FRRS1: variants seen among roughly 807,000 people sequenced by gnomAD.
FRRS1 encodes the protein ferric reductase 1.
In FRRS1, 51 loss-of-function variants were observed where a neutral mutation model predicts 70.7. The observed-to-expected ratio is 0.72, with a 90% CI of 0.58 to 0.91. The LOEUF (loss-of-function observed/expected upper bound fraction) is 0.91, where lower values mean the gene tolerates loss of function less well. Among genes scored for constraint, FRRS1 ranks in the 40% least tolerant of loss-of-function variants. The pLI is 0.00. For missense variants in FRRS1, 672 were observed against 726.0 expected, an observed-to-expected ratio of 0.93 and a Z score of 0.86; for synonymous variants, 225 against 238.7, an observed-to-expected ratio of 0.94 and a Z score of 0.53.
intron 1 of FRRS1, among the ~76,000 whole-genome samples, chr1:99,756,920 A>G (rs1656864375): frequency 6.6e-6 from 1 of 152,148 alleles, no homozygotes; most frequent in Non-Finnish European, 1.5e-5. Context: ...CCCACTCTAC[A>G]TTACCTAAGA....
intron 10 of FRRS1, 39 bp from the exon 11 acceptor site, chr1:99,717,564 C>T (rs748387684): frequency 5.6e-5 from 77 of 1,364,252 alleles, no homozygotes; most frequent in South Asian, 5.0e-4. Context: ...CAATCACAAA[C>T]GAATCAAGCC....
intron 9 of FRRS1, 109 bp downstream of exon 9, chr1:99,728,384 G>T: frequency 1.1e-6 from 1 of 928,854 alleles, no homozygotes; most frequent in Non-Finnish European, 1.6e-6. Flanking sequence ...TTATAGGAAA[G>T]CGTGTGCCTT....
Position 99,747,326 on chromosome 1 carries a change from C to A in FRRS1, c.301G>T (p.Val101Leu), listed in dbSNP as rs780571079. 6.2e-7 allele frequency: 1 copy of A among 1,613,964 alleles called. No homozygotes were observed. The highest frequency in any genetic ancestry group is 8.5e-7 in the Non-Finnish European group (1 of 1,179,906). Residue 101 changes from valine to leucine, a missense_variant, in exon 4 of 17, where the codon GTG becomes TTG. Physicochemically the swap from Val to Leu is conservative, Grantham distance 32. Transcript: ENST00000646001. ...IGSFTLIDSEVSQLLTCEDIQ... is the reference protein window; with the variant it reads ...IGSFTLIDSELSQLLTCEDIQ... ...TCTTCACAGGTCAAAAGTTGTGACA[C>A]TTCACTGTCAATCAATGTGAAGGAG... is the stretch of plus-strand genomic sequence containing the variant.
Position 99,742,238 on chromosome 1 carries a change from T to C in FRRS1, c.369A>G (p.Lys123=), listed in dbSNP as rs1337425556. 2 of 1,611,650 alleles carry C rather than the reference T, an allele frequency of 1.2e-6. No homozygotes were observed. The highest frequency in any genetic ancestry group is 1.7e-5 in the Admixed American group (1 of 60,000). ...SAVSHRSASK[K]TEIKVYWNAP... ...CATTCCAGTAGACTTTAATTTCTGT[T>C]TTTTTAGATGCACTTCTGTGACTCA... is the stretch of plus-strand genomic sequence containing the variant. The change falls in exon 5 of 17, where the codon AAA becomes AAG. Residue 123 remains lysine, a synonymous_variant. Transcript: ENST00000646001.
chr1:99,712,575 G>T, intron 12 of FRRS1, 60 bp from the exon 13 acceptor site: 1 of 911,152 alleles, frequency 1.1e-6, no homozygotes, highest in South Asian at 1.6e-5. Flanking sequence ...AAATCCTCAA[G>T]TTAAAAATAA....
At chr1:99,713,095 T>C (rs959139661) in intron 12 of FRRS1, among the ~76,000 whole-genome samples, 10 of 140,434 alleles carry the variant, frequency 7.1e-5, no homozygotes, top group African/African-American at 2.7e-4. Context: ...AACAAGATTC[T>C]TGCATGTGTT....
intron 9 of FRRS1, among the ~76,000 whole-genome samples, chr1:99,723,724 C>T (rs1279771953): frequency 6.6e-6 from 1 of 152,016 alleles, no homozygotes; most frequent in African/African-American, 2.4e-5. Context: ...AGAAATAATT[C>T]AATTTATTGA....
chr1:99,758,162 T>C (rs1656935356), intron 1 of FRRS1, among the ~76,000 whole-genome samples: 1 of 152,236 alleles, frequency 6.6e-6, no homozygotes, highest in Non-Finnish European at 1.5e-5. Flanking sequence ...TTACATAAGA[T>C]AAGGTGAACA....
intron 9 of FRRS1, among the ~76,000 whole-genome samples, chr1:99,720,880 CACAG>C (rs1209892215): frequency 6.2e-5 from 8 of 129,430 alleles, no homozygotes; most frequent in Admixed American, 1.5e-4. Context: ...CACACACACA[CACAG>C]AAATCATTTC....
At chr1:99,741,282 T>C (rs1655950144) in intron 5 of FRRS1, among the ~76,000 whole-genome samples, 2 of 152,220 alleles carry the variant, frequency 1.3e-5, no homozygotes, top group Admixed American at 1.3e-4. Context: ...AGTGCAGTAT[T>C]CAATTCTTCC....
At chr1:99,736,812 A>C (rs71512525) in intron 7 of FRRS1, among the ~76,000 whole-genome samples, 29,646 of 130,110 alleles carry the variant, frequency 0.23, 3,066 homozygotes, top group East Asian at 0.28. Context: ...AAAAAAGAAT[A>C]AAAAAAAGAA....
intron 1 of FRRS1, among the ~76,000 whole-genome samples, chr1:99,755,981 A>G (rs1271879929): frequency 1.3e-5 from 2 of 152,232 alleles, no homozygotes; most frequent in African/African-American, 4.8e-5. Flanking sequence ...TTTTCTAGTT[A>G]ATGTTTTAAG....
rs778362835 is a variant in FRRS1 at position 99,747,356 on chromosome 1, T to C, written c.271A>G (p.Ile91Val). The change falls in exon 4 of 17, where the codon ATT becomes GTT. Residue 91 changes from isoleucine (I) to valine (V), a missense_variant. Coordinates refer to ENST00000646001, the MANE Select transcript of FRRS1 (RefSeq NM_001361041.2). ...RNAEDLNGPP[I>V]GSFTLIDSEV... The stretch of plus-strand genomic sequence containing the variant: ...CTGTCAATCAATGTGAAGGAGCCAA[T>C]AGGAGGGCCATTCAGATCCTCAGCA... 5.6e-6 allele frequency: 9 copies of C among 1,613,730 alleles called. No individual in the cohort carries two copies. The highest frequency in any genetic ancestry group is 4.0e-5 in the African/African-American group (3 of 74,902).
chr1:99,730,387 T>C (rs925571998), intron 7 of FRRS1, among the ~76,000 whole-genome samples: 3 of 152,162 alleles, frequency 2.0e-5, no homozygotes, highest in African/African-American at 7.2e-5. Flanking sequence ...TCCTTTAGTC[T>C]CCAAAGATCC....
chr1:99,735,016 T>C (rs1289458857), intron 7 of FRRS1, among the ~76,000 whole-genome samples: 1 of 152,208 alleles, frequency 6.6e-6, no homozygotes, highest in Non-Finnish European at 1.5e-5. Flanking sequence ...CTTTACATTA[T>C]TTAACAAAAT....
intron 4 of FRRS1, among the ~76,000 whole-genome samples, chr1:99,742,990 A>G (rs548593896): frequency 6.6e-6 from 1 of 152,352 alleles, no homozygotes; most frequent in South Asian, 2.1e-4. Context: ...TAAATGGATG[A>G]ATGAGTAAAT....
At chr1:99,752,365 C>T (rs928230910) in intron 1 of FRRS1, among the ~76,000 whole-genome samples, 13 of 152,252 alleles carry the variant, frequency 8.5e-5, no homozygotes, top group African/African-American at 3.1e-4. Flanking sequence ...TTCACTTGAA[C>T]ACTTACAGGC....
chr1:99,731,185 C>A (rs976018242), intron 7 of FRRS1, among the ~76,000 whole-genome samples: 1 of 152,198 alleles, frequency 6.6e-6, no homozygotes, highest in Admixed American at 6.5e-5. Flanking sequence ...AAGGAATAAT[C>A]TTGATTTTAA....
At chr1:99,761,685 A>G (rs1284510905) in intron 1 of FRRS1, among the ~76,000 whole-genome samples, 1 of 152,208 alleles carries the variant, frequency 6.6e-6, no homozygotes, top group Non-Finnish European at 1.5e-5. Context: ...CAGTCATCAC[A>G]GTCCTGCTTT....
Sources: gnomAD v4.1 joint callset for allele counts (sites outside exome capture counted in the v4.1 genomes callset) on GRCh38, gnomAD v4.1.1 for gene constraint, MANE v1.5 for transcripts, NCBI Gene and HGNC (gene_info 2026-07-23, HGNC 2026-07-21) for gene names.